The following C1orf21 variants were observed in gnomAD, a reference collection of about 807,000 sequenced individuals.
C1orf21 encodes the protein uncharacterized protein C1orf21.
C1orf21 carries 3 observed loss-of-function variants against 18.7 expected under a neutral mutation model. The observed-to-expected ratio is 0.16, with a 90% CI of 0.07 to 0.42. The LOEUF is 0.42. C1orf21 is among the 10% of genes least tolerant of loss of function. C1orf21 has a pLI of 0.99. For missense variants in C1orf21, 104 were observed against 143.6 expected (o/e 0.72, Z 1.41); for synonymous variants, 41 against 46.4 (o/e 0.88, Z 0.47).
At chr1:184,432,310 G>A (rs564589907) in intron 1 of C1orf21, among the ~76,000 whole-genome samples, 8 of 152,298 alleles carry the variant, frequency 5.3e-5, no homozygotes, top group Non-Finnish European at 1.0e-4. Context: ...AAGAAAATGT[G>A]GCACATATAC....
intron 3 of C1orf21, among the ~76,000 whole-genome samples, chr1:184,535,048 G>A (rs1048501483): frequency 6.7e-6 from 1 of 150,004 alleles, no homozygotes; most frequent in Non-Finnish European, 1.5e-5. Flanking sequence ...AGGCAACAAG[G>A]AGCTCTTGAA....
chr1:184,456,935 C>A (rs10489723), intron 1 of C1orf21, among the ~76,000 whole-genome samples: 49 of 151,840 alleles, frequency 3.2e-4, no homozygotes, highest in Admixed American at 2.2e-3. Context: ...ATATGTTGAC[C>A]GAAAAAAATG....
chr1:184,442,559 G>A (rs1040105520), intron 1 of C1orf21, among the ~76,000 whole-genome samples: 1 of 152,102 alleles, frequency 6.6e-6, no homozygotes, highest in African/African-American at 2.4e-5. Flanking sequence ...TTATTAGAGA[G>A]CTTTATTTAA....
chr1:184,538,574 A>G (rs1408252356), intron 3 of C1orf21, among the ~76,000 whole-genome samples: 2 of 152,152 alleles, frequency 1.3e-5, no homozygotes, highest in South Asian at 2.1e-4. Context: ...CTTTCTAATA[A>G]CAGCTTTATA....
chr1:184,576,931 T>A (rs572737172), intron 3 of C1orf21, among the ~76,000 whole-genome samples: 3 of 152,110 alleles, frequency 2.0e-5, no homozygotes, highest in African/African-American at 7.2e-5. Context: ...CACTCTGCAC[T>A]CCAGCCAGGA....
intron 2 of C1orf21, among the ~76,000 whole-genome samples, chr1:184,483,876 T>C (rs1407155554): frequency 6.8e-6 from 1 of 148,092 alleles, no homozygotes; most frequent in Non-Finnish European, 1.5e-5. Context: ...TGAAGGTGGC[T>C]CATATCCACC....
intron 3 of C1orf21, among the ~76,000 whole-genome samples, chr1:184,542,896 A>G (rs1461506738): frequency 1.3e-5 from 2 of 152,142 alleles, no homozygotes; most frequent in Admixed American, 6.5e-5. Context: ...ATCCTAAGGG[A>G]GGAAAGAAAG....
At chr1:184,460,620 G>GTCGTCGTCTTCTTCTTCT (rs1284129710) in intron 1 of C1orf21, among the ~76,000 whole-genome samples, 39 of 112,092 alleles carry the variant, frequency 3.5e-4, no homozygotes, top group African/African-American at 1.5e-3. Context: ...TGTCGTCGTC[G>GTCGTCGTCTTCTTCTTCT]TCTTCTTCTT....
chr1:184,589,505 AT>A (rs1347155618), intron 3 of C1orf21, among the ~76,000 whole-genome samples: 3 of 152,178 alleles, frequency 2.0e-5, no homozygotes, highest in African/African-American at 7.2e-5. Flanking sequence ...TTTGTAAAAG[AT>A]TAGGAGTGTT....
intron 3 of C1orf21, among the ~76,000 whole-genome samples, chr1:184,581,482 A>C (rs1245802429): frequency 1.3e-5 from 2 of 152,006 alleles, no homozygotes; most frequent in Non-Finnish European, 2.9e-5. Context: ...AGCATAACCT[A>C]CCCTATTCTG....
At chr1:184,488,307 A>G (rs10737253) in intron 2 of C1orf21, among the ~76,000 whole-genome samples, 64,698 of 151,998 alleles carry the variant, frequency 0.43, 13,941 homozygotes, top group Admixed American at 0.49. Context: ...AGTGTAGTTT[A>G]AAAGAAATCC....
intron 1 of C1orf21, among the ~76,000 whole-genome samples, chr1:184,466,800 G>A (rs751904265): frequency 2.0e-5 from 3 of 152,080 alleles, no homozygotes; most frequent in Non-Finnish European, 4.4e-5. Flanking sequence ...CTATTGGAAA[G>A]TGAGGAAATG....
At chr1:184,445,942 A>G (rs777944598) in intron 1 of C1orf21, among the ~76,000 whole-genome samples, 3 of 152,312 alleles carry the variant, frequency 2.0e-5, no homozygotes, top group Non-Finnish European at 2.9e-5. Flanking sequence ...ATGTGATTGT[A>G]TGGACCCTGT....
At chr1:184,562,788 A>G (rs1658985261) in intron 3 of C1orf21, among the ~76,000 whole-genome samples, 1 of 151,570 alleles carries the variant, frequency 6.6e-6, no homozygotes, top group African/African-American at 2.4e-5. Context: ...GTGTAGATGT[A>G]GGCACTGTTC....
chr1:184,479,204 A>G (rs1270311109), intron 2 of C1orf21, among the ~76,000 whole-genome samples: 1 of 152,210 alleles, frequency 6.6e-6, no homozygotes, highest in Non-Finnish European at 1.5e-5. Flanking sequence ...TACAGTCCAG[A>G]TCTCTGAAAC....
chr1:184,609,400 T>C lies in C1orf21; in HGVS notation c.328-10118T>C, dbSNP rs530556696. ...CTCCATCCAAGTTCAACATAAATTCTAGGGTGTATGTGGAACAGAGAGCTC... is the reference window on the plus strand; with the variant it reads ...CTCCATCCAAGTTCAACATAAATTCCAGGGTGTATGTGGAACAGAGAGCTC... On this transcript the variant is annotated intron_variant, in intron 5 of 5. Transcript: ENST00000235307. Among the ~76,000 whole-genome samples, 6 of 152,332 alleles carry C rather than the reference T, an allele frequency of 3.9e-5. No homozygotes were observed. The South Asian group carries it at 1.2e-3, about 32-fold the overall frequency.
chr1:184,485,309 A>G (rs1445918834), intron 2 of C1orf21, among the ~76,000 whole-genome samples: 1 of 152,190 alleles, frequency 6.6e-6, no homozygotes, highest in Non-Finnish European at 1.5e-5. Context: ...TAGCTTATTA[A>G]TAATTATTGA....
At chr1:184,433,270 AC>A (rs1424465988) in intron 1 of C1orf21, among the ~76,000 whole-genome samples, 2 of 151,772 alleles carry the variant, frequency 1.3e-5, no homozygotes, top group Non-Finnish European at 2.9e-5. Context: ...CAGAGTGCCA[AC>A]AGTGGCACTG....
chr1:184,551,836 A>G (rs1571411300), intron 3 of C1orf21, among the ~76,000 whole-genome samples: 1 of 152,004 alleles, frequency 6.6e-6, no homozygotes, highest in Admixed American at 6.6e-5. Flanking sequence ...GTAAGACCAC[A>G]TCTCTACAAA....
Sources: allele counts gnomAD v4.1 joint callset (sites outside exome capture counted in the v4.1 genomes callset), GRCh38; gene constraint gnomAD v4.1.1; transcripts MANE v1.5; gene names NCBI Gene and HGNC (gene_info 2026-07-23, HGNC 2026-07-21).